CORO7: variants seen among roughly 807,000 people sequenced by gnomAD.
CORO7 encodes the protein coronin-7.
A neutral mutation model predicts 126.6 loss-of-function variants in CORO7; 107 were observed. That is an observed-to-expected ratio of 0.85 (90% CI 0.72 to 0.99). The LOEUF is 0.99. Ranked by LOEUF, CORO7 falls within the 50% of genes least tolerant of loss-of-function variation. The pLI is 0.00. For missense variants in CORO7, 1,314 were observed against 1,255.8 expected, an observed-to-expected ratio of 1.05 and a Z score of -0.70; for synonymous variants, 603 against 536.8, an observed-to-expected ratio of 1.12 and a Z score of -1.70.
chr16:4,355,410 A>AG, intron 26 of CORO7, 38 bp from the exon 27 acceptor site: 2 of 1,586,956 alleles, frequency 1.3e-6, no homozygotes, highest in Non-Finnish European at 1.7e-6. Context: ...GTAAGGGAAT[A>AG]GGACTCCCTG....
At chr16:4,398,620 C>G (rs1291065063) in intron 6 of CORO7, among the ~76,000 whole-genome samples, 1 of 147,140 alleles carries the variant, frequency 6.8e-6, no homozygotes, top group Non-Finnish European at 1.5e-5. Context: ...GAACCGAGAT[C>G]ATGCCATTGC....
Position 4,405,571 on chromosome 16 carries a change from C to A in CORO7, c.488-4G>T. 1 of 1,612,174 alleles carries A rather than the reference C, an allele frequency of 6.2e-7. No homozygotes were observed. The highest frequency in any genetic ancestry group is 8.5e-7 in the Non-Finnish European group (1 of 1,179,654). Reference sequence around the variant, plus strand: ...AGGTCCCCATGGGCTGCCAGCTCTGCAGAGAAGCAGTCACAGTCAGGTCCC... The same window carrying A: ...AGGTCCCCATGGGCTGCCAGCTCTGAAGAGAAGCAGTCACAGTCAGGTCCC... On this transcript the variant is annotated splice_region_variant and splice_polypyrimidine_tract_variant and intron_variant, in intron 5 of 27. Coordinates refer to ENST00000251166, the MANE Select transcript of CORO7 (RefSeq NM_024535.5).
chr16:4,358,459 C>G lies in CORO7; in HGVS notation c.2365G>C (p.Glu789Gln). 1 of 1,604,786 alleles carries G rather than the reference C, an allele frequency of 6.2e-7. No homozygotes were observed. The highest frequency in any genetic ancestry group is 2.2e-5 in the East Asian group (1 of 44,692). The change falls in exon 24 of 28, where the codon GAG (glutamate) becomes CAG (glutamine). Residue 789 changes from glutamate (E) to glutamine (Q), a missense_variant. Transcript: ENST00000251166. Reference protein sequence around the residue: ...HKGLVLLPKTECDVREVELMR... With the variant: ...HKGLVLLPKTQCDVREVELMR... ...AGCTCCACTTCCCGCACGTCGCACT[C>G]CGTCTTAGGCAGGAGGACGAGGCCC...
At chr16:4,382,758 G>A in intron 9 of CORO7, 1 of 1,562,160 alleles carries the variant, frequency 6.4e-7, no homozygotes. Context: ...TGGAGGGAGT[G>A]AAGGTCCCCT....
chr16:4,387,809 C>G (rs1875258815), intron 9 of CORO7, 177 bp downstream of exon 9: 9 of 743,992 alleles, frequency 1.2e-5, no homozygotes, highest in Admixed American at 5.4e-5. Flanking sequence ...CTCGTGACAT[C>G]TGGAAGCTCC....
chr16:4,376,258 C>T (rs1051190680), intron 9 of CORO7, among the ~76,000 whole-genome samples: 4 of 152,210 alleles, frequency 2.6e-5, no homozygotes, highest in Non-Finnish European at 5.9e-5. Flanking sequence ...TGAGCCTCCT[C>T]GGACACGTCA....
rs112005325 is a variant in CORO7 at position 4,362,920 on chromosome 16, C to T, written c.1276-182G>A. ...AAACGCAGACACACAGGGAAGCAGCCGAGCTTCAGACCGCGGGGACAGCAA... is the reference window on the plus strand; with the variant it reads ...AAACGCAGACACACAGGGAAGCAGCTGAGCTTCAGACCGCGGGGACAGCAA... On this transcript the variant is annotated intron_variant, in intron 14 of 27. Coordinates refer to ENST00000251166, the MANE Select transcript of CORO7 (RefSeq NM_024535.5). This position sits in a 1 kb window ranked among gnomAD's most constrained non-coding sequence, Gnocchi z 5.3. The T allele has an allele frequency of 0.011, 7,756 of 676,442 alleles. 513 individuals carry two copies. The African/African-American group carries it at 0.13, about 11-fold the overall frequency. 41.9% of individuals were successfully genotyped at this position (676,442 alleles called of 1,614,324 possible).
chr16:4,388,026 A>G lies in CORO7; in HGVS notation c.745T>C (p.Ser249Pro), dbSNP rs777532153. The G allele has an allele frequency of 6.2e-7, 1 of 1,613,050 alleles. No individual in the cohort carries two copies. Among genetic ancestry groups the G allele is most frequent in the African/African-American group, 1.3e-5 (1 of 74,928 alleles). The change falls in exon 9 of 28, where the codon TCC becomes CCC. Residue 249 changes from serine to proline, a missense_variant. Ser to Pro is a moderately conservative substitution (Grantham distance 74). Transcript: ENST00000251166. ...AAGGTGAGGGAGGCCAGGGCGCTGG[A>G]GAAGAACCGCGTGTCCCACAGCTTC... is the stretch of plus-strand genomic sequence containing the variant. Reference protein sequence around the residue: ...EVKLWDTRFFSSALASLTLDT... With the variant: ...EVKLWDTRFFPSALASLTLDT...
In CORO7 at chr16:4,360,997, G is replaced by A. The variant is rs1392680894; in HGVS notation, c.1863C>T (p.Ile621=). Reference sequence around the variant, plus strand: ...GATCAGCTCCAGCCTGAAGGTCCCAGATGCGAACAGTGAGGTCATAGGAGG... The same window carrying A: ...GATCAGCTCCAGCCTGAAGGTCCCAAATGCGAACAGTGAGGTCATAGGAGG... ...ASSSYDLTVR[I]WDLQAGADRL... Residue 621 remains isoleucine, a synonymous_variant, in exon 19 of 28, where the codon ATC becomes ATT. Coordinates refer to ENST00000251166, the MANE Select transcript of CORO7 (RefSeq NM_024535.5). 3 of 1,613,164 alleles carry A rather than the reference G, an allele frequency of 1.9e-6. No homozygotes were observed. The highest frequency in any genetic ancestry group is 1.7e-5 in the Admixed American group (1 of 60,024).
chr16:4,358,612 G>A (rs886382622), intron 23 of CORO7, 129 bp from the exon 24 acceptor site: 15 of 768,510 alleles, frequency 2.0e-5, no homozygotes, highest in Admixed American at 9.2e-5. Context: ...GGACAGTAAC[G>A]TGTTGATCAT....
intron 9 of CORO7, chr16:4,382,530 G>A (rs2055026834): frequency 6.3e-7 from 1 of 1,593,514 alleles, no homozygotes; most frequent in Non-Finnish European, 8.5e-7. Flanking sequence ...AGGCCTGCGG[G>A]GAGGCCCATA....
At chr16:4,416,239 A>C (rs985679554) in intron 1 of CORO7, among the ~76,000 whole-genome samples, 1 of 152,084 alleles carries the variant, frequency 6.6e-6, no homozygotes, top group African/African-American at 2.4e-5. Context: ...CGCCAGGGTC[A>C]CCGAGCGCCA....
chr16:4,388,507 C>A (rs2055274019), intron 8 of CORO7, 38 bp downstream of exon 8: 1 of 1,595,556 alleles, frequency 6.3e-7, no homozygotes, highest in East Asian at 2.3e-5. Flanking sequence ...CATGTCCCCA[C>A]CTGGCCGTGC....
At position 4,395,422 on chromosome 16, in the gene CORO7, C is replaced by T. The variant is rs1336902041; in HGVS notation, c.565-83G>A. 4 of 1,582,356 alleles carry T rather than the reference C, an allele frequency of 2.5e-6. No individual in the cohort carries two copies. In the East Asian group the frequency reaches 6.7e-5, roughly 27 times the overall value. ...CCAGCCTGCTCCCCTCACCTCCCAA[C>T]CCCCAGCTCTGAGCAGCCCATCCCC... On this transcript the variant is annotated intron_variant, in intron 6 of 27. Transcript: ENST00000251166.
intron 6 of CORO7, among the ~76,000 whole-genome samples, chr16:4,398,004 C>G (rs1243521948): frequency 6.6e-6 from 1 of 152,148 alleles, no homozygotes; most frequent in Non-Finnish European, 1.5e-5. Flanking sequence ...GCAAATCAAC[C>G]TCCTGGACTA....
intron 9 of CORO7, among the ~76,000 whole-genome samples, chr16:4,369,634 A>G (rs1355343220): frequency 6.6e-6 from 1 of 152,172 alleles, no homozygotes; most frequent in Non-Finnish European, 1.5e-5. Context: ...TCCTGTGATT[A>G]GCACCGAGGG....
Position 4,407,653 on chromosome 16 carries a change from T to G in CORO7, c.335A>C (p.Gln112Pro), listed in dbSNP as rs1198105602. Residue 112 changes from glutamine (Q) to proline (P), a missense_variant, in exon 5 of 28, where the codon CAG (glutamine) becomes CCG (proline). Gln to Pro is a moderately conservative substitution (Grantham distance 76, BLOSUM62 -1). Coordinates refer to ENST00000251166, the MANE Select transcript of CORO7 (RefSeq NM_024535.5). ...VKLWRLPGPG[Q>P]ALPSAPGVVL... Reference sequence around the variant, plus strand: ...CACCCCGGGTGCTGAGGGCAGGGCCTGGCCAGGCCCTGGCAGTCGCCAGAG... The same window carrying G: ...CACCCCGGGTGCTGAGGGCAGGGCCGGGCCAGGCCCTGGCAGTCGCCAGAG... The G allele has an allele frequency of 6.2e-7, 1 of 1,603,886 alleles. No homozygotes were observed. Among genetic ancestry groups the G allele is most frequent in the Non-Finnish European group, 8.5e-7 (1 of 1,176,400 alleles).
At chr16:4,355,456 C>T (rs2053947095) in intron 26 of CORO7, 84 bp from the exon 27 acceptor site, 1 of 1,412,030 alleles carries the variant, frequency 7.1e-7, no homozygotes, top group Non-Finnish European at 9.5e-7. Context: ...CCTGACAAGG[C>T]TGTGAAAAGA....
At chr16:4,376,954 C>A (rs1279491332) in intron 9 of CORO7, among the ~76,000 whole-genome samples, 1 of 152,182 alleles carries the variant, frequency 6.6e-6, no homozygotes, top group Non-Finnish European at 1.5e-5. Context: ...ATGAGTGACG[C>A]CCTCCGCAGT....
Sources: gnomAD v4.1 joint callset for allele counts (sites outside exome capture counted in the v4.1 genomes callset) on GRCh38, gnomAD v4.1.1 for gene constraint, Gnocchi (gnomAD v3.1) non-coding constraint, MANE v1.5 for transcripts, NCBI Gene and HGNC (gene_info 2026-07-23, HGNC 2026-07-21) for gene names.